ZFP36L1: variants seen among roughly 807,000 people sequenced by gnomAD.
ZFP36L1 encodes the protein ZFP36 like 1 zinc finger CCCH-type.
ZFP36L1 carries 4 observed loss-of-function variants against 16.7 expected under a neutral mutation model. The observed-to-expected ratio is 0.24, with a 90% CI of 0.12 to 0.55. ZFP36L1 has a LOEUF of 0.55. Ranked by LOEUF, ZFP36L1 falls within the 20% of genes least tolerant of loss-of-function variation. The probability of loss-of-function intolerance (pLI) is 0.94; values close to 1 mark genes in which losing one functional copy is unlikely to be tolerated. For synonymous variants in ZFP36L1, 220 were observed against 190.8 expected (o/e 1.15, Z -1.26); for missense variants, 311 against 449.2 (o/e 0.69, Z 2.78).
rs1276671731 is a variant in ZFP36L1, at chr14:68,789,992, G to A, written c.558C>T (p.Ala186=). The change falls in exon 2 of 2, where the codon GCC becomes GCT. Residue 186 remains alanine, a synonymous_variant. Coordinates refer to ENST00000439696, the MANE Select transcript of ZFP36L1 (RefSeq NM_004926.4). The surrounding 1 kb of genome is among the most constrained non-coding windows in gnomAD (Gnocchi z 4.5). ...GGTCAGCGGAGAGGTCCCGGGCCCC[G>A]GCCAGGGCACGGCGCTCTTCAGCGT... ...IHNAEERRAL[A]GARDLSADRP... The A allele has an allele frequency of 1.2e-6, 2 of 1,606,550 alleles. No individual in the cohort carries two copies. The highest frequency in any genetic ancestry group is 2.2e-5 in the East Asian group (1 of 44,808).
intron 1 of ZFP36L1, chr14:68,790,956 C>A: frequency 1.5e-6 from 1 of 676,412 alleles, no homozygotes; most frequent in Non-Finnish European, 2.7e-6. Flanking sequence ...TCAGTCTCTG[C>A]TTAATTGATA....
Position 68,789,275 on chromosome 14 carries a change from G to C in ZFP36L1, c.*258C>G. ...ACAAAATATGGGACTTGTCTGTTATGCATGGTAAGTGGGCTATAAAATCCA... is the reference window on the plus strand; with the variant it reads ...ACAAAATATGGGACTTGTCTGTTATCCATGGTAAGTGGGCTATAAAATCCA... On this transcript the variant is annotated 3_prime_UTR_variant, in exon 2 of 2. Transcript: ENST00000439696. The surrounding 1 kb of genome is among the most constrained non-coding windows in gnomAD (Gnocchi z 4.5). 1 of 514,810 alleles carries C rather than the reference G, an allele frequency of 1.9e-6. No individual in the cohort carries two copies. Among genetic ancestry groups the C allele is most frequent in the Non-Finnish European group, 3.4e-6 (1 of 291,260 alleles). 31.9% of individuals were successfully genotyped at this position (514,810 alleles called of 1,614,324 possible).
At position 68,789,438 on chromosome 14, in the gene ZFP36L1, G is replaced by A; in HGVS notation, c.*95C>T. On this transcript the variant is annotated 3_prime_UTR_variant, in exon 2 of 2. Coordinates refer to ENST00000439696, the MANE Select transcript of ZFP36L1 (RefSeq NM_004926.4). This position sits in a 1 kb window ranked among gnomAD's most constrained non-coding sequence, Gnocchi z 4.5. ...TTGAGCTTAACCTTGTTAATGTAGG[G>A]CCTGTGGGGAATGGGATGGGTAGGG... The A allele has an allele frequency of 1.3e-6, 2 of 1,565,764 alleles. No individual in the cohort carries two copies. Among genetic ancestry groups the A allele is most frequent in the Non-Finnish European group, 8.7e-7 (1 of 1,149,356 alleles).
rs1218022675 is a variant in ZFP36L1, at chr14:68,792,965, G to T, written c.-27C>A. The T allele has an allele frequency of 6.2e-7, 1 of 1,613,388 alleles. No individual in the cohort carries two copies. The highest frequency in any genetic ancestry group is 8.5e-7 in the Non-Finnish European group (1 of 1,179,902). On this transcript the variant is annotated 5_prime_UTR_variant, in exon 1 of 2. Coordinates refer to ENST00000439696, the MANE Select transcript of ZFP36L1 (RefSeq NM_004926.4). ...CTGTGCGTTCGCGCGAGCCAGGGGC[G>T]AGGATCTGGTGTGTCGCGAAGGTCC...
chr14:68,795,803 G>A (rs781721082), upstream of ZFP36L1: 2 of 535,640 alleles, frequency 3.7e-6, no homozygotes, highest in South Asian at 1.4e-5. Flanking sequence ...GTCATTTCGG[G>A]GACTTTCCAA....
chr14:68,790,924 G>A (rs1407684967), intron 1 of ZFP36L1: 2 of 603,806 alleles, frequency 3.3e-6, no homozygotes, highest in Non-Finnish European at 5.9e-6. Context: ...TCTATCATAG[G>A]CTACGTTAGG....
At chr14:68,794,640 C>T (rs1895200226), upstream of ZFP36L1, 1 of 152,366 alleles carries the variant, frequency 6.6e-6, no homozygotes, top group Non-Finnish European at 1.5e-5. Flanking sequence ...AGATTGAGTT[C>T]CATTGCGATG....
upstream of ZFP36L1, chr14:68,795,942 G>C (rs751708431): frequency 8.2e-7 from 1 of 1,216,912 alleles, no homozygotes; most frequent in African/African-American, 1.5e-5. Context: ...GGTGCCCAGG[G>C]GTGGCGGGAG....
At chr14:68,790,552 G>T in intron 1 of ZFP36L1, 60 bp from the exon 2 acceptor site, 1 of 1,594,852 alleles carries the variant, frequency 6.3e-7, no homozygotes, top group Admixed American at 1.7e-5. Context: ...TGTCCACTAT[G>T]GGCAGCCCCC....
Position 68,793,039 on chromosome 14 carries a change from T to C in ZFP36L1, c.-101A>G, listed in dbSNP as rs1273994594. 1.9e-6 allele frequency: 3 copies of C among 1,597,614 alleles called. No individual in the cohort carries two copies. The highest frequency in any genetic ancestry group is 1.1e-5 in the South Asian group (1 of 90,614). On this transcript the variant is annotated 5_prime_UTR_variant, in exon 1 of 2. Coordinates refer to ENST00000439696, the MANE Select transcript of ZFP36L1 (RefSeq NM_004926.4). ...TCCTGTCTGGAGTCCCACACGCCAG[T>C]TCCCGGCGCCCCTCGCCTTTCTGAC...
At chr14:68,792,378 G>A (rs1002776263) in intron 1 of ZFP36L1, among the ~76,000 whole-genome samples, 14 of 152,116 alleles carry the variant, frequency 9.2e-5, no homozygotes, top group African/African-American at 3.4e-4. Flanking sequence ...ATCACAACTT[G>A]GCCTTTCTTC....
rs938578829 is a variant in ZFP36L1 at position 68,791,746 on chromosome 14, C to T, written c.57+1136G>A. ...ATGTTGGGGAGCGCTGGCAGCCGGG[C>T]TGGCAAGTGGAGTTTGGGAATGTGC... On this transcript the variant is annotated intron_variant, in intron 1 of 1. Transcript: ENST00000439696. Among the ~76,000 whole-genome samples, 5 of 152,088 alleles carry T rather than the reference C, an allele frequency of 3.3e-5. No homozygotes were observed. In the East Asian group the frequency reaches 9.6e-4, roughly 29 times the overall value.
Position 68,789,278 on chromosome 14 carries a change from T to G in ZFP36L1, c.*255A>C. 2.0e-5 allele frequency: 10 copies of G among 496,260 alleles called. No homozygotes were observed. The highest frequency in any genetic ancestry group is 6.8e-5 in the East Asian group (2 of 29,554). The allele number at this position is 496,260 out of a possible 1,614,324, so 30.7% of individuals were successfully genotyped here. A position where few individuals can be genotyped will look rare whatever the true frequency, so the allele number is the denominator to read the frequency against. ...AAATATGGGACTTGTCTGTTATGCA[T>G]GGTAAGTGGGCTATAAAATCCAGGG... On this transcript the variant is annotated 3_prime_UTR_variant, in exon 2 of 2. Transcript: ENST00000439696. This position sits in a 1 kb window ranked among gnomAD's most constrained non-coding sequence, Gnocchi z 4.5.
Position 68,789,207 on chromosome 14 carries a change from T to C in ZFP36L1, c.*326A>G, listed in dbSNP as rs2140208527. On this transcript the variant is annotated 3_prime_UTR_variant, in exon 2 of 2. Transcript: ENST00000439696. The surrounding 1 kb of genome is among the most constrained non-coding windows in gnomAD (Gnocchi z 4.5). ...CTGTTACTGCTTTTTCTCTTGTGATTTGGCACTTAAGGCTTAAGCCGGAAA... is the reference window on the plus strand; with the variant it reads ...CTGTTACTGCTTTTTCTCTTGTGATCTGGCACTTAAGGCTTAAGCCGGAAA... The C allele has an allele frequency of 3.3e-6, 1 of 300,262 alleles. No individual in the cohort carries two copies. The highest frequency in any genetic ancestry group is 5.9e-5 in the East Asian group (1 of 16,812). The allele number at this position is 300,262 out of a possible 1,614,324, so 18.6% of individuals were successfully genotyped here.
rs1054141595 is a variant in ZFP36L1, at chr14:68,789,436, G to A, written c.*97C>T. On this transcript the variant is annotated 3_prime_UTR_variant, in exon 2 of 2. Transcript: ENST00000439696. This position sits in a 1 kb window ranked among gnomAD's most constrained non-coding sequence, Gnocchi z 4.5. ...GGTTGAGCTTAACCTTGTTAATGTAGGGCCTGTGGGGAATGGGATGGGTAG... is the reference window on the plus strand; with the variant it reads ...GGTTGAGCTTAACCTTGTTAATGTAAGGCCTGTGGGGAATGGGATGGGTAG... 1 of 1,557,790 alleles carries A rather than the reference G, an allele frequency of 6.4e-7. No homozygotes were observed. Among genetic ancestry groups the A allele is most frequent in the South Asian group, 1.2e-5 (1 of 85,984 alleles).
Position 68,792,989 on chromosome 14 carries a change from C to G in ZFP36L1, c.-51G>C, listed in dbSNP as rs1895145490. ...CGAGGATCTGGTGTGTCGCGAAGGTCCCGGTGCGGGGAAGGCGCAGCCTCT... is the reference window on the plus strand; with the variant it reads ...CGAGGATCTGGTGTGTCGCGAAGGTGCCGGTGCGGGGAAGGCGCAGCCTCT... On this transcript the variant is annotated 5_prime_UTR_variant, in exon 1 of 2. Coordinates refer to ENST00000439696, the MANE Select transcript of ZFP36L1 (RefSeq NM_004926.4). 1.2e-6 allele frequency: 2 copies of G among 1,611,818 alleles called. No individual in the cohort carries two copies. Among genetic ancestry groups the G allele is most frequent in the East Asian group, 2.2e-5 (1 of 44,852 alleles).
chr14:68,793,939 C>T, upstream of ZFP36L1: 1 of 984,822 alleles, frequency 1.0e-6, no homozygotes, highest in South Asian at 4.7e-5. Context: ...TGGGGGGCGC[C>T]GCAAAAAAAG....
upstream of ZFP36L1, among the ~76,000 whole-genome samples, chr14:68,795,151 T>G (rs1895213804): frequency 6.6e-6 from 1 of 152,132 alleles, no homozygotes; most frequent in Non-Finnish European, 1.5e-5. Flanking sequence ...GTTGGGGCGG[T>G]GGGGGAGAGA....
In ZFP36L1 at chr14:68,789,243, T is replaced by G; in HGVS notation, c.*290A>C. On this transcript the variant is annotated 3_prime_UTR_variant, in exon 2 of 2. Transcript: ENST00000439696. The surrounding 1 kb of genome is among the most constrained non-coding windows in gnomAD (Gnocchi z 4.5). Reference sequence around the variant, plus strand: ...GGCTTAAGCCGGAAAAAAAAAGGCATCTACTGACAAAATATGGGACTTGTC... The same window carrying G: ...GGCTTAAGCCGGAAAAAAAAAGGCAGCTACTGACAAAATATGGGACTTGTC... 2.6e-6 allele frequency: 1 copy of G among 392,094 alleles called. No homozygotes were observed. The allele number at this position is 392,094 out of a possible 1,614,324, so 24.3% of individuals were successfully genotyped here. A position where few individuals can be genotyped will look rare whatever the true frequency, so the allele number is the denominator to read the frequency against.
Sources: gnomAD v4.1 joint callset for allele counts (sites outside exome capture counted in the v4.1 genomes callset) on GRCh38, gnomAD v4.1.1 for gene constraint, Gnocchi (gnomAD v3.1) non-coding constraint, MANE v1.5 for transcripts, NCBI Gene and HGNC (gene_info 2026-07-23, HGNC 2026-07-21) for gene names.